The following ZSCAN5A variants were observed in gnomAD, a reference collection of about 807,000 sequenced individuals.
The protein encoded by ZSCAN5A is zinc finger and SCAN domain-containing protein 5A.
A neutral mutation model predicts 23.7 loss-of-function variants in ZSCAN5A; 12 were observed. The ratio of observed to expected loss-of-function variants is 0.51; its 90% CI spans 0.32 to 0.82. The LOEUF is 0.82. Among genes scored for constraint, ZSCAN5A ranks in the 40% least tolerant of loss-of-function variants. The pLI is 0.03. For synonymous variants in ZSCAN5A, 257 were observed against 239.9 expected (o/e 1.07, Z -0.66); for missense variants, 597 against 617.9 (o/e 0.97, Z 0.36).
chr19:56,294,092 T>C (rs1192414843), intron 2 of ZSCAN5A, among the ~76,000 whole-genome samples: 1 of 152,010 alleles, frequency 6.6e-6, no homozygotes, highest in East Asian at 1.9e-4. Flanking sequence ...CTTTGCAAAC[T>C]GAAAGCAGAC....
intron 2 of ZSCAN5A, among the ~76,000 whole-genome samples, chr19:56,230,538 C>T (rs1488795144): frequency 6.6e-6 from 1 of 152,006 alleles, no homozygotes; most frequent in Non-Finnish European, 1.5e-5. Flanking sequence ...CTCTTGGGCT[C>T]AAGCAATCCT....
chr19:56,297,611 GAGA>G (rs1413660751), intron 2 of ZSCAN5A: 11 of 849,772 alleles, frequency 1.3e-5, no homozygotes, highest in Non-Finnish European at 1.5e-5. Context: ...AGCCTTAGAA[GAGA>G]AGATTTCAGG....
chr19:56,226,388 T>C, intron 2 of ZSCAN5A, among the ~76,000 whole-genome samples: 1 of 151,890 alleles, frequency 6.6e-6, no homozygotes, highest in South Asian at 2.1e-4. Context: ...AGAAAACACA[T>C]AACCCACTAG....
At position 56,244,442 on chromosome 19, in the gene ZSCAN5A, G is replaced by A. The variant is rs536359770; in HGVS notation, c.-127-19269C>T. On this transcript the variant is annotated intron_variant, in intron 2 of 5. Coordinates refer to ENST00000683990, the MANE Select transcript of ZSCAN5A (RefSeq NM_001322064.3). ...CAAGAAATGGGTGAGTGGGACCCTC[G>A]TGACTGGTGCAGGGAAGGGGAGCTG... The A allele has an allele frequency of 2.3e-4, 362 of 1,579,510 alleles. 2 individuals are homozygous for A. The highest frequency in any genetic ancestry group is 6.5e-4 in the African/African-American group (48 of 73,986).
In ZSCAN5A at chr19:56,230,195, T is replaced by C. The variant is rs371307635; in HGVS notation, c.-127-5022A>G. Reference sequence around the variant, plus strand: ...TCTGCCTCTTGGGTTCGAGCAATTATTTGCCTCAGCCTCCCAAGTAGCTGG... The same window carrying C: ...TCTGCCTCTTGGGTTCGAGCAATTACTTGCCTCAGCCTCCCAAGTAGCTGG... On this transcript the variant is annotated intron_variant, in intron 2 of 5. Coordinates refer to ENST00000683990, the MANE Select transcript of ZSCAN5A (RefSeq NM_001322064.3). Among the ~76,000 whole-genome samples, 15 of 152,272 alleles carry C rather than the reference T, an allele frequency of 9.9e-5. 1 individual carries two copies. The highest frequency in any genetic ancestry group is 3.6e-4 in the African/African-American group (15 of 41,542).
At chr19:56,290,098 A>T (rs1282723630) in intron 2 of ZSCAN5A, among the ~76,000 whole-genome samples, 1 of 152,224 alleles carries the variant, frequency 6.6e-6, no homozygotes, top group Non-Finnish European at 1.5e-5. Context: ...AAACTTTTTC[A>T]AAAAGACAGA....
chr19:56,344,932 AAAAG>A lies in ZSCAN5A; in HGVS notation c.-358+18299_-358+18302del, dbSNP rs1276039032. ...CTCAAAAAAAAAAAAAAAAAAAAAA[AAAAG>A]AAAAAAAAGATACAAAAAATTAGCC... On this transcript the variant is annotated intron_variant, in intron 2 of 6. Transcript: ENST00000587340. Among the ~76,000 whole-genome samples the A allele has an allele frequency of 3.4e-3, 428 of 127,042 alleles. 9 individuals are homozygous for A. The highest frequency in any genetic ancestry group is 8.3e-3 in the African/African-American group (270 of 32,366). 83.3% of individuals were successfully genotyped at this position (127,042 alleles called of 152,430 possible). A position where few individuals can be genotyped will look rare whatever the true frequency, so the allele number is the denominator to read the frequency against.
At chr19:56,233,678 C>T (rs1466200012) in intron 2 of ZSCAN5A, among the ~76,000 whole-genome samples, 1 of 145,662 alleles carries the variant, frequency 6.9e-6, no homozygotes, top group Non-Finnish European at 1.5e-5. Flanking sequence ...TACTACTGTT[C>T]ACCCCAGACT....
intron 2 of ZSCAN5A, among the ~76,000 whole-genome samples, chr19:56,256,752 C>G (rs1422821884): frequency 1.3e-5 from 2 of 152,078 alleles, no homozygotes. Flanking sequence ...GGCAGGTCAC[C>G]CAGGGCTTGA....
intron 2 of ZSCAN5A, among the ~76,000 whole-genome samples, chr19:56,239,538 G>C (rs1440935804): frequency 1.3e-5 from 2 of 152,202 alleles, no homozygotes; most frequent in East Asian, 1.9e-4. Context: ...AGTGAGTGCA[G>C]AGTGGGGACC....
intron 2 of ZSCAN5A, among the ~76,000 whole-genome samples, chr19:56,243,131 A>G (rs929701845): frequency 2.0e-5 from 3 of 147,838 alleles, no homozygotes; most frequent in African/African-American, 7.5e-5. Flanking sequence ...AGAGCACTAG[A>G]CTTTAAATCC....
chr19:56,279,239 C>T (rs11667369), intron 2 of ZSCAN5A, among the ~76,000 whole-genome samples: 61,857 of 151,862 alleles, frequency 0.41, 13,842 homozygotes, highest in Non-Finnish European at 0.51. Context: ...GATGATACTT[C>T]GAGAATTTCT....
intron 2 of ZSCAN5A, chr19:56,283,544 C>T (rs1314919252): frequency 6.6e-6 from 1 of 152,102 alleles, no homozygotes; most frequent in Non-Finnish European, 1.5e-5. Flanking sequence ...TCAGTGATAC[C>T]GAGAAAGGTG....
intron 2 of ZSCAN5A, chr19:56,302,909 A>G: frequency 2.5e-6 from 1 of 398,598 alleles, no homozygotes; most frequent in Non-Finnish European, 4.4e-6. Flanking sequence ...ACCTTCAAGA[A>G]GGTCCTAATT....
At chr19:56,283,947 G>C (rs889121733) in intron 2 of ZSCAN5A, 1 of 152,246 alleles carries the variant, frequency 6.6e-6, no homozygotes, top group Non-Finnish European at 1.5e-5. Context: ...CACTTTGGAC[G>C]CTCTTCCCTG....
chr19:56,340,094 A>AATCC (rs1430975662), intron 2 of ZSCAN5A, among the ~76,000 whole-genome samples: 2 of 151,998 alleles, frequency 1.3e-5, no homozygotes, highest in African/African-American at 2.4e-5. Flanking sequence ...ATCCAAATGG[A>AATCC]AATTGGATTC....
At chr19:56,234,081 C>A (rs900422029) in intron 2 of ZSCAN5A, among the ~76,000 whole-genome samples, 12 of 152,104 alleles carry the variant, frequency 7.9e-5, no homozygotes, top group Admixed American at 7.9e-4. Flanking sequence ...GCTGAACTCA[C>A]AAAGATTTCA....
At chr19:56,307,526 G>C (rs2040771429) in intron 2 of ZSCAN5A, among the ~76,000 whole-genome samples, 1 of 152,212 alleles carries the variant, frequency 6.6e-6, no homozygotes, top group African/African-American at 2.4e-5. Context: ...GAGGTGATGA[G>C]ATTTGCAAGC....
At chr19:56,244,425 G>C (rs1370963020) in intron 2 of ZSCAN5A, 8 of 1,579,282 alleles carry the variant, frequency 5.1e-6, no homozygotes, top group Non-Finnish European at 6.0e-6. Flanking sequence ...CCCAAGAAAT[G>C]GGTGAGTGGG....
Sources: allele counts gnomAD v4.1 joint callset (sites outside exome capture counted in the v4.1 genomes callset), GRCh38; gene constraint gnomAD v4.1.1; transcripts MANE v1.5; gene names NCBI Gene and HGNC (gene_info 2026-07-23, HGNC 2026-07-21).